EYA3: variants seen among roughly 807,000 people sequenced by gnomAD.
The protein encoded by EYA3 is protein phosphatase EYA3.
Under a neutral mutation model 80.0 loss-of-function variants are expected in EYA3, and 39 were observed. That is an observed-to-expected ratio of 0.49 (90% CI 0.38 to 0.64). EYA3 has a LOEUF of 0.64. Ranked by LOEUF, EYA3 falls within the 30% of genes least tolerant of loss-of-function variation. The pLI, the probability that EYA3 is intolerant of heterozygous loss-of-function variation, is 0.00. For missense variants in EYA3, 523 were observed against 676.1 expected (o/e 0.77, Z 2.51); for synonymous variants, 206 against 232.8 (o/e 0.88, Z 1.05).
chr1:27,976,375 G>T (rs888668986), intron 17 of EYA3, among the ~76,000 whole-genome samples: 3 of 152,060 alleles, frequency 2.0e-5, no homozygotes, highest in African/African-American at 7.2e-5. Flanking sequence ...TACGAGAATC[G>T]CTTGAACCCA....
intron 10 of EYA3, among the ~76,000 whole-genome samples, chr1:28,006,082 G>T (rs988972810): frequency 6.6e-6 from 1 of 151,210 alleles, no homozygotes. Context: ...TCCAGTGTGG[G>T]CAACAGAGAG....
chr1:28,063,600 G>A (rs531321372), intron 1 of EYA3, among the ~76,000 whole-genome samples: 9 of 151,810 alleles, frequency 5.9e-5, no homozygotes, highest in East Asian at 5.8e-4. Context: ...CACCAGCCTC[G>A]GCCTCTCAAA....
chr1:28,077,088 T>C (rs958836739), intron 1 of EYA3, among the ~76,000 whole-genome samples: 62 of 150,854 alleles, frequency 4.1e-4, no homozygotes, highest in Admixed American at 1.7e-3. Flanking sequence ...TCCTTTGAAA[T>C]TGTTTACAAA....
chr1:28,050,711 G>GC (rs1644214775), intron 2 of EYA3, among the ~76,000 whole-genome samples: 2 of 151,920 alleles, frequency 1.3e-5, no homozygotes, highest in African/African-American at 4.8e-5. Context: ...ACCTCATATG[G>GC]CCCATTGTTT....
intron 17 of EYA3, among the ~76,000 whole-genome samples, chr1:27,976,582 G>C (rs954208731): frequency 6.6e-6 from 1 of 152,210 alleles, no homozygotes; most frequent in African/African-American, 2.4e-5. Flanking sequence ...TAGGCTACTG[G>C]GAACCAGTGT....
At chr1:28,082,883 C>A (rs1645481098) in intron 1 of EYA3, among the ~76,000 whole-genome samples, 1 of 152,064 alleles carries the variant, frequency 6.6e-6, no homozygotes, top group African/African-American at 2.4e-5. Flanking sequence ...GAATTTGATC[C>A]CTTATTGCTT....
At chr1:28,047,813 G>A (rs920268268) in intron 3 of EYA3, among the ~76,000 whole-genome samples, 1 of 151,992 alleles carries the variant, frequency 6.6e-6, no homozygotes, top group African/African-American at 2.4e-5. Context: ...TAATAATTTT[G>A]TATTTTTAGT....
At chr1:28,021,304 A>T (rs1000741478) in intron 7 of EYA3, among the ~76,000 whole-genome samples, 2 of 152,142 alleles carry the variant, frequency 1.3e-5, no homozygotes, top group Non-Finnish European at 2.9e-5. Flanking sequence ...GCTCCTCAGC[A>T]TGACTCACTT....
chr1:27,980,989 G>C (rs1314989048), intron 16 of EYA3, among the ~76,000 whole-genome samples: 1 of 152,154 alleles, frequency 6.6e-6, no homozygotes, highest in Non-Finnish European at 1.5e-5. Flanking sequence ...GTTGCAATGG[G>C]CTATAATCGT....
At chr1:27,994,915 A>G (rs1380631812) in intron 13 of EYA3, among the ~76,000 whole-genome samples, 1 of 151,194 alleles carries the variant, frequency 6.6e-6, no homozygotes, top group Admixed American at 6.6e-5. Flanking sequence ...GGGAACTATG[A>G]TTGCACCATT....
chr1:28,052,087 C>A (rs1326332059), intron 2 of EYA3, among the ~76,000 whole-genome samples: 1 of 152,136 alleles, frequency 6.6e-6, no homozygotes, highest in African/African-American at 2.4e-5. Flanking sequence ...CGGCTCACTG[C>A]AACCTCCACC....
chr1:28,044,100 T>C lies in EYA3; in HGVS notation c.78-1450A>G, dbSNP rs759009289. The stretch of plus-strand genomic sequence containing the variant: ...GTCATTATGTTAGATAGTTTAATGC[T>C]GGGGAGATTCCACAGAAATTCTGGA... On this transcript the variant is annotated intron_variant, in intron 3 of 17. Coordinates refer to ENST00000373871, the MANE Select transcript of EYA3 (RefSeq NM_001990.4). Among the ~76,000 whole-genome samples, 9 of 152,340 alleles carry C rather than the reference T, an allele frequency of 5.9e-5. No homozygotes were observed. In the South Asian group the frequency reaches 1.2e-3, roughly 21 times the overall value.
intron 16 of EYA3, among the ~76,000 whole-genome samples, chr1:27,984,096 C>T (rs1639489987): frequency 6.6e-6 from 1 of 152,226 alleles, no homozygotes; most frequent in Non-Finnish European, 1.5e-5. Context: ...TGCAGTGGCA[C>T]AGTCACAGCT....
chr1:27,972,519 A>T lies in EYA3; in HGVS notation c.*1947T>A, dbSNP rs1248832635. On this transcript the variant is annotated 3_prime_UTR_variant, in exon 18 of 18. Transcript: ENST00000373871. The stretch of plus-strand genomic sequence containing the variant: ...TCTCTTGCTATCTGGGTGGCCTGGC[A>T]TTGGAAGGAGTCTTGCCTCTTTGTG... 1.3e-5 allele frequency: 2 copies of T among 152,248 alleles called. No homozygotes were observed. Among genetic ancestry groups the T allele is most frequent in the African/African-American group, 2.4e-5 (1 of 41,450 alleles). The allele number at this position is 152,248 out of a possible 1,614,324, so 9.4% of individuals were successfully genotyped here.
At chr1:28,029,229 CA>C (rs1449981377) in intron 6 of EYA3, among the ~76,000 whole-genome samples, 1 of 152,146 alleles carries the variant, frequency 6.6e-6, no homozygotes, top group Non-Finnish European at 1.5e-5. Flanking sequence ...GAGGAAATAG[CA>C]CACATACCTT....
At chr1:27,976,070 A>T (rs993351237) in intron 17 of EYA3, among the ~76,000 whole-genome samples, 1 of 152,198 alleles carries the variant, frequency 6.6e-6, no homozygotes, top group Non-Finnish European at 1.5e-5. Flanking sequence ...TTATTTTGGC[A>T]TATACCCTAG....
At chr1:28,044,799 G>T (rs1280273462) in intron 3 of EYA3, among the ~76,000 whole-genome samples, 1 of 151,936 alleles carries the variant, frequency 6.6e-6, no homozygotes, top group East Asian at 1.9e-4. Flanking sequence ...TTGAGTCAGG[G>T]TCTCACTCGG....
intron 1 of EYA3, among the ~76,000 whole-genome samples, chr1:28,061,765 A>C (rs1421437797): frequency 1.3e-5 from 2 of 152,020 alleles, no homozygotes; most frequent in Non-Finnish European, 2.9e-5. Flanking sequence ...ACGCCCGGCT[A>C]ATTTTTTGTA....
intron 10 of EYA3, among the ~76,000 whole-genome samples, chr1:28,006,365 T>C (rs959559916): frequency 6.6e-6 from 1 of 152,110 alleles, no homozygotes; most frequent in Admixed American, 6.5e-5. Flanking sequence ...TTTCAATAAA[T>C]GAGGGATAGA....
Sources: allele counts gnomAD v4.1 joint callset (sites outside exome capture counted in the v4.1 genomes callset), GRCh38; gene constraint gnomAD v4.1.1; transcripts MANE v1.5; gene names NCBI Gene and HGNC (gene_info 2026-07-23, HGNC 2026-07-21).